LYPD4: variants seen among roughly 807,000 people sequenced by gnomAD.
LYPD4 encodes the protein ly6/PLAUR domain-containing protein 4.
LYPD4 carries 20 observed loss-of-function variants against 18.2 expected under a neutral mutation model. That is an observed-to-expected ratio of 1.10 (90% CI 0.77 to 1.59). The LOEUF (loss-of-function observed/expected upper bound fraction) is 1.59. LYPD4 is among the 40% of genes most tolerant of loss of function. LYPD4 has a pLI of 0.00. For synonymous variants in LYPD4, 111 were observed against 118.3 expected (o/e 0.94, Z 0.40); for missense variants, 278 against 300.3 (o/e 0.93, Z 0.55).
intron 3 of LYPD4, 124 bp downstream of exon 3, chr19:41,838,757 A>G: frequency 2.2e-6 from 1 of 448,344 alleles, no homozygotes. Flanking sequence ...AAATATATAT[A>G]CATATATATA....
downstream of LYPD4, among the ~76,000 whole-genome samples, chr19:41,836,303 A>C (rs1279584699): frequency 9.1e-6 from 1 of 109,990 alleles, no homozygotes; most frequent in South Asian, 2.8e-4. Flanking sequence ...AAAAAAAAAA[A>C]AAAAAAAAAA....
At chr19:41,839,542 G>A (rs2073504322) in intron 1 of LYPD4, 137 bp from the exon 2 acceptor site, 1 of 515,336 alleles carries the variant, frequency 1.9e-6, no homozygotes, top group Non-Finnish European at 3.5e-6. Flanking sequence ...CTCAAAGCAG[G>A]ACTCTCACTC....
downstream of LYPD4, chr19:41,837,044 C>G: frequency 6.4e-7 from 1 of 1,557,920 alleles, no homozygotes; most frequent in Non-Finnish European, 8.7e-7. Context: ...TTCCTCACCC[C>G]TGCTCTCTCA....
Position 41,844,560 on chromosome 19 carries a change from A to G in LYPD4, c.-1103T>C, listed in dbSNP as rs568945402. The G allele has an allele frequency of 6.6e-6, 1 of 152,386 alleles. No homozygotes were observed. Among genetic ancestry groups the G allele is most frequent in the East Asian group, 1.9e-4 (1 of 5,180 alleles). The allele number at this position is 152,386 out of a possible 1,614,324, so 9.4% of individuals were successfully genotyped here. ...AAGGGTAGCTCAGGAGTTGTGGGGC[A>G]CCGGAAGAGACATAACAGAAAACGC... On this transcript the variant is annotated 5_prime_UTR_variant, in exon 1 of 5. Coordinates refer to ENST00000609812, the MANE Select transcript of LYPD4 (RefSeq NM_173506.7).
rs374515505 is a variant in LYPD4, at chr19:41,838,857, T to C, written c.211+24A>G. On this transcript the variant is annotated intron_variant, in intron 3 of 4. Transcript: ENST00000609812. ...GGTCAGAAGAGCAAGCAAAACGAAATTGATCAAACTTAGACTGCTTCACCT... is the reference window on the plus strand; with the variant it reads ...GGTCAGAAGAGCAAGCAAAACGAAACTGATCAAACTTAGACTGCTTCACCT... 2.5e-6 allele frequency: 4 copies of C among 1,611,138 alleles called. No individual in the cohort carries two copies. The South Asian group carries it at 3.3e-5, about 13-fold the overall frequency.
intron 1 of LYPD4, among the ~76,000 whole-genome samples, chr19:41,840,999 CA>C (rs1413142738): frequency 6.6e-6 from 1 of 151,962 alleles, no homozygotes; most frequent in Non-Finnish European, 1.5e-5. Flanking sequence ...AGCAACAAAG[CA>C]ATTCTCTCCT....
At position 41,843,592 on chromosome 19, in the gene LYPD4, C is replaced by T. The variant is rs73049347; in HGVS notation, c.-135G>A. 1 of 150,758 alleles carries T rather than the reference C, an allele frequency of 6.6e-6. No homozygotes were observed. Among genetic ancestry groups the T allele is most frequent in the East Asian group, 2.0e-4 (1 of 5,044 alleles). 9.3% of individuals were successfully genotyped at this position (150,758 alleles called of 1,614,324 possible). A position where few individuals can be genotyped will look rare whatever the true frequency, so the allele number is the denominator to read the frequency against. Reference sequence around the variant, plus strand: ...CGCCACCCAACCTTTCCAATTTTATCTAGGACAGCTCCCCTGCCCAGCAGT... The same window carrying T: ...CGCCACCCAACCTTTCCAATTTTATTTAGGACAGCTCCCCTGCCCAGCAGT... On this transcript the variant is annotated 5_prime_UTR_variant, in exon 1 of 5. Coordinates refer to ENST00000609812, the MANE Select transcript of LYPD4 (RefSeq NM_173506.7).
At chr19:41,842,447 G>A (rs562887095) in intron 1 of LYPD4, among the ~76,000 whole-genome samples, 31 of 151,896 alleles carry the variant, frequency 2.0e-4, no homozygotes, top group Non-Finnish European at 3.8e-4. Context: ...GGAGTTGGAA[G>A]AAGTTGATTA....
At chr19:41,840,028 A>G (rs2073526502) in intron 1 of LYPD4, among the ~76,000 whole-genome samples, 4 of 151,892 alleles carry the variant, frequency 2.6e-5, no homozygotes, top group Admixed American at 6.6e-5. Flanking sequence ...CAGGCTGGGC[A>G]ACAGAGACAG....
intron 1 of LYPD4, among the ~76,000 whole-genome samples, chr19:41,840,597 C>T (rs2073551505): frequency 6.6e-6 from 1 of 152,030 alleles, no homozygotes; most frequent in Non-Finnish European, 1.5e-5. Context: ...CTTTGGGAGG[C>T]CGAGGCAGGC....
Position 41,844,303 on chromosome 19 carries a change from G to A in LYPD4, c.-846C>T, listed in dbSNP as rs2073762197. The A allele has an allele frequency of 6.6e-6, 1 of 152,350 alleles. No individual in the cohort carries two copies. The highest frequency in any genetic ancestry group is 2.1e-4 in the South Asian group (1 of 4,836). The allele number at this position is 152,350 out of a possible 1,614,324, so 9.4% of individuals were successfully genotyped here. On this transcript the variant is annotated 5_prime_UTR_variant, in exon 1 of 5. Coordinates refer to ENST00000609812, the MANE Select transcript of LYPD4 (RefSeq NM_173506.7). ...AGCCAGAAATTCAGAAAAACTAGAGGCGTCCCCGGTAGCGAAGGAAGCCGG... is the reference window on the plus strand; with the variant it reads ...AGCCAGAAATTCAGAAAAACTAGAGACGTCCCCGGTAGCGAAGGAAGCCGG...
At position 41,837,357 on chromosome 19, in the gene LYPD4, A is replaced by G. The variant is rs2073400143; in HGVS notation, c.539-12T>C. On this transcript the variant is annotated splice_polypyrimidine_tract_variant and intron_variant, in intron 4 of 4. Transcript: ENST00000609812. ...GGTATTGAGAAACCCTGTAAGGAAG[A>G]GAGGGAGAAGTCAGGAACACTTTCA... is the stretch of plus-strand genomic sequence containing the variant. 1.2e-6 allele frequency: 2 copies of G among 1,613,660 alleles called. No homozygotes were observed. Among genetic ancestry groups the G allele is most frequent in the African/African-American group, 1.3e-5 (1 of 74,902 alleles).
intron 3 of LYPD4, among the ~76,000 whole-genome samples, chr19:41,838,547 C>G (rs1367783118): frequency 6.6e-6 from 1 of 152,106 alleles, no homozygotes; most frequent in East Asian, 1.9e-4. Flanking sequence ...ACCCAGCCCA[C>G]AACACAACCA....
At chr19:41,838,811 G>A (rs952085966) in intron 3 of LYPD4, 70 bp downstream of exon 3, 178 of 1,450,216 alleles carry the variant, frequency 1.2e-4, no homozygotes, top group Middle Eastern at 5.3e-4. Flanking sequence ...ACAGTCCCTC[G>A]GTGCTGGGAG....
At chr19:41,839,114 C>T in intron 2 of LYPD4, 90 bp from the exon 3 acceptor site, 1 of 1,611,820 alleles carries the variant, frequency 6.2e-7, no homozygotes, top group Non-Finnish European at 8.5e-7. Flanking sequence ...CCCCACAGGT[C>T]CTGTCCCCAG....
intron 1 of LYPD4, among the ~76,000 whole-genome samples, chr19:41,841,098 T>A (rs2073572717): frequency 1.3e-5 from 2 of 152,198 alleles, no homozygotes; most frequent in African/African-American, 4.8e-5. Context: ...AGATCCATTC[T>A]ATGAAAAGAT....
chr19:41,836,824 G>T (rs1453845527), downstream of LYPD4, among the ~76,000 whole-genome samples: 1 of 152,100 alleles, frequency 6.6e-6, no homozygotes, highest in African/African-American at 2.4e-5. Flanking sequence ...GGAAACTGAG[G>T]CCCATAAAAA....
intron 1 of LYPD4, among the ~76,000 whole-genome samples, chr19:41,841,204 G>A (rs1000381957): frequency 1.3e-5 from 2 of 152,174 alleles, no homozygotes; most frequent in Non-Finnish European, 2.9e-5. Flanking sequence ...GGCTGAGCCA[G>A]GAGGATCCCT....
In LYPD4 at chr19:41,839,254, A is replaced by G. The variant is rs1555832586; in HGVS notation, c.32T>C (p.Leu11Pro). The change falls in exon 2 of 5, where the codon CTG (leucine) becomes CCG (proline). Residue 11 changes from leucine (L) to proline (P), a missense_variant. Physicochemically the swap from Leu to Pro is moderately conservative, Grantham distance 98. Transcript: ENST00000609812. The part of the protein sequence containing the change: MGPQHLRLVQ[L>P]FCLLGAISTL... ...GGAGATGGCCCCTAGAAGGCAGAAC[A>G]GCTGCACAAGTCTCAAATGCTGGGG... is the stretch of plus-strand genomic sequence containing the variant. 4 of 1,614,186 alleles carry G rather than the reference A, an allele frequency of 2.5e-6. No homozygotes were observed. The highest frequency in any genetic ancestry group is 3.4e-6 in the Non-Finnish European group (4 of 1,180,030).
Sources: allele counts gnomAD v4.1 joint callset (sites outside exome capture counted in the v4.1 genomes callset), GRCh38; gene constraint gnomAD v4.1.1; transcripts MANE v1.5; gene names NCBI Gene and HGNC (gene_info 2026-07-23, HGNC 2026-07-21).